GRIA3: variants seen among roughly 807,000 people sequenced by gnomAD.
GRIA3 encodes glutamate receptor 3.
In GRIA3, 3 loss-of-function variants were observed where a neutral mutation model predicts 63.0. The ratio of observed to expected loss-of-function variants is 0.05; its 90% confidence interval spans 0.02 to 0.12. GRIA3 has a LOEUF of 0.12. Ranked by LOEUF, GRIA3 falls within the 10% of genes least tolerant of loss-of-function variation. The pLI, the probability that GRIA3 is intolerant of heterozygous loss-of-function variation, is 1.00. For missense variants in GRIA3, 347 were observed against 700.9 expected, an observed-to-expected ratio of 0.50 and a Z score of 5.70; for synonymous variants, 274 against 257.9, an observed-to-expected ratio of 1.06 and a Z score of -0.60.
intron 4 of GRIA3, among the ~76,000 whole-genome samples, chrX:123,347,523 C>T: frequency 8.9e-6 from 1 of 112,218 alleles, no homozygotes; most frequent in Non-Finnish European, 1.9e-5. Context: ...GCTGGAAGCA[C>T]TGCACAGATG....
rs576817171 is a variant in GRIA3 at position 123,426,757 on chromosome X, T to C, written c.1878-1184T>C. Among the ~76,000 whole-genome samples, 14 of 112,400 alleles carry C rather than the reference T, an allele frequency of 1.2e-4. No homozygotes were observed. In the South Asian group the frequency reaches 4.8e-3, roughly 38 times the overall value. On this transcript the variant is annotated intron_variant, in intron 11 of 15. Transcript: ENST00000620443. ...AACATTTAAGAACAAAAATTTCCCCTTATTAAAACTTACCCATCTTCTTTC... is the reference window on the plus strand; with the variant it reads ...AACATTTAAGAACAAAAATTTCCCCCTATTAAAACTTACCCATCTTCTTTC...
intron 3 of GRIA3, among the ~76,000 whole-genome samples, chrX:123,282,286 C>G (rs929174272): frequency 6.2e-5 from 7 of 112,311 alleles, no homozygotes; most frequent in African/African-American, 2.3e-4. Flanking sequence ...TAGTATTATA[C>G]GGACTACCCT....
chrX:123,446,204 A>G (rs1030127756), intron 12 of GRIA3, among the ~76,000 whole-genome samples: 6 of 112,136 alleles, frequency 5.4e-5, no homozygotes, highest in Non-Finnish European at 1.1e-4. Context: ...GAGAAACCTA[A>G]ATGTTCTGCA....
intron 5 of GRIA3, among the ~76,000 whole-genome samples, chrX:123,367,780 C>T (rs750625634): frequency 9.0e-6 from 1 of 110,958 alleles, no homozygotes; most frequent in East Asian, 2.8e-4. Context: ...TCTGAATAGT[C>T]GTCATTGGAT....
intron 15 of GRIA3, 59 bp downstream of exon 15, chrX:123,483,105 T>A: frequency 1.0e-6 from 1 of 988,386 alleles, no homozygotes; most frequent in Non-Finnish European, 1.4e-6. Context: ...AATCTCTTTT[T>A]TTCTTCTTTT....
At chrX:123,377,776 T>C (rs1036988166) in intron 5 of GRIA3, among the ~76,000 whole-genome samples, 3 of 111,944 alleles carry the variant, frequency 2.7e-5, no homozygotes, top group Non-Finnish European at 5.6e-5. Context: ...GCCTTCCTTA[T>C]ACACTCTGGT....
intron 10 of GRIA3, among the ~76,000 whole-genome samples, chrX:123,415,462 A>G (rs931854338): frequency 1.8e-5 from 2 of 111,510 alleles, no homozygotes; most frequent in Non-Finnish European, 3.8e-5. Context: ...ATGTTGACAA[A>G]GTTGGGGGAG....
At chrX:123,334,411 T>C (rs756511661) in intron 4 of GRIA3, among the ~76,000 whole-genome samples, 6 of 111,467 alleles carry the variant, frequency 5.4e-5, no homozygotes, top group African/African-American at 1.3e-4. Context: ...CTGGCTAGAC[T>C]GGCTTTGTGA....
At chrX:123,402,959 C>T in intron 7 of GRIA3, 35 bp from the exon 8 acceptor site, 1 of 771,211 alleles carries the variant, frequency 1.3e-6, no homozygotes, top group Non-Finnish European at 2.0e-6. Context: ...TAATGCCGTG[C>T]TATTTTTAAA....
chrX:123,236,050 C>T (rs1778839096), intron 2 of GRIA3, among the ~76,000 whole-genome samples: 1 of 111,163 alleles, frequency 9.0e-6, no homozygotes, highest in African/African-American at 3.3e-5. Context: ...TTTCTCCGGG[C>T]TCAACAGACC....
chrX:123,184,757 C>T (rs747644049), intron 1 of GRIA3, 113 bp downstream of exon 1: 106 of 359,218 alleles, frequency 3.0e-4, no homozygotes, highest in African/African-American at 2.6e-3. Context: ...GGAACTGGGA[C>T]TGGGGCCGGG....
intron 3 of GRIA3, among the ~76,000 whole-genome samples, chrX:123,295,154 C>T (rs1342851851): frequency 9.0e-6 from 1 of 111,668 alleles, no homozygotes; most frequent in Non-Finnish European, 1.9e-5. Context: ...TATTAAAAAA[C>T]AAAACCAGGA....
intron 2 of GRIA3, among the ~76,000 whole-genome samples, chrX:123,213,175 C>T (rs1928080186): frequency 8.9e-6 from 1 of 112,094 alleles, no homozygotes; most frequent in Non-Finnish European, 1.9e-5. Flanking sequence ...GATGGACAGT[C>T]CATGGAAAAA....
intron 5 of GRIA3, among the ~76,000 whole-genome samples, chrX:123,367,417 CTT>C (rs1335591824): frequency 1.8e-5 from 2 of 108,691 alleles, no homozygotes; most frequent in African/African-American, 3.3e-5. Context: ...TGGGTTCTCT[CTT>C]TTTTTTGTTT....
intron 13 of GRIA3, among the ~76,000 whole-genome samples, chrX:123,479,024 A>C (rs952354912): frequency 8.8e-6 from 1 of 113,088 alleles, no homozygotes; most frequent in Non-Finnish European, 1.9e-5. Context: ...TTATCCTAGA[A>C]CCAGTAGGGT....
At chrX:123,246,635 T>A (rs1003476150) in intron 2 of GRIA3, among the ~76,000 whole-genome samples, 1 of 111,495 alleles carries the variant, frequency 9.0e-6, no homozygotes, top group South Asian at 3.8e-4. Flanking sequence ...TTAGCAGCCT[T>A]AATCCCATCT....
chrX:123,413,986 T>C (rs2045522229), intron 10 of GRIA3, among the ~76,000 whole-genome samples: 2 of 111,905 alleles, frequency 1.8e-5, no homozygotes, highest in Non-Finnish European at 1.9e-5. Context: ...AAAAGGCCAA[T>C]GGCATCACAC....
chrX:123,490,229 G>C lies in GRIA3; in HGVS notation c.*1519G>C. ...TGACCCTTAGATGCTTAGTTGACTC[G>C]CTGCATATTTGCTCTTGTCTTCAGA... is the stretch of plus-strand genomic sequence containing the variant. On this transcript the variant is annotated 3_prime_UTR_variant, in exon 16 of 16. Transcript: ENST00000620443. 1 of 112,734 alleles carries C rather than the reference G, an allele frequency of 8.9e-6. No homozygotes were observed. The allele number at this position is 112,734 out of a possible 1,213,427, so 9.3% of individuals were successfully genotyped here. A position where few individuals can be genotyped will look rare whatever the true frequency, so the allele number is the denominator to read the frequency against.
At position 123,465,038 on chromosome X, in the gene GRIA3, T is replaced by C. The variant is rs758140076; in HGVS notation, c.2250T>C (p.Cys750=). Residue 750 remains cysteine (C), a synonymous_variant, in exon 13 of 16, where the codon TGT becomes TGC. Coordinates refer to ENST00000620443, the MANE Select transcript of GRIA3 (RefSeq NM_007325.5). ...AGTACATTGAGCAGAGAAAACCATGTGATACGATGAAAGTTGGTGGAAATC... is the reference window on the plus strand; with the variant it reads ...AGTACATTGAGCAGAGAAAACCATGCGATACGATGAAAGTTGGTGGAAATC... The part of the protein sequence containing the change: ...MNEYIEQRKP[C]DTMKVGGNLD... 8.3e-7 allele frequency: 1 copy of C among 1,208,365 alleles called. No homozygotes were observed. The highest frequency in any genetic ancestry group is 2.2e-5 in the Admixed American group (1 of 45,962).
Sources: allele counts gnomAD v4.1 joint callset (sites outside exome capture counted in the v4.1 genomes callset), GRCh38; gene constraint gnomAD v4.1.1; transcripts MANE v1.5; gene names NCBI Gene and HGNC (gene_info 2026-07-23, HGNC 2026-07-21).